TMEM64: variants seen among roughly 807,000 people sequenced by gnomAD.
TMEM64 encodes transmembrane protein 64.
In TMEM64, 19 loss-of-function variants were observed where a neutral mutation model predicts 24.5. That is an observed-to-expected ratio of 0.78 (90% CI 0.54 to 1.14). The LOEUF (loss-of-function observed/expected upper bound fraction) is 1.14, where lower values mean the gene tolerates loss of function less well. Ranked by LOEUF, TMEM64 falls within the 50% of genes most tolerant of loss-of-function variation. The pLI is 0.00. For missense variants in TMEM64, 487 were observed against 493.0 expected (o/e 0.99, Z 0.12); for synonymous variants, 262 against 224.7 (o/e 1.17, Z -1.49).
At chr8:90,628,554 GTGTC>G (rs1259769991) in intron 2 of TMEM64, among the ~76,000 whole-genome samples, 6 of 152,196 alleles carry the variant, frequency 3.9e-5, no homozygotes, top group African/African-American at 1.4e-4. Flanking sequence ...AAATATCAAT[GTGTC>G]TGGTTACATG....
rs1029179005 is a variant in TMEM64 at position 90,629,358 on chromosome 8, T to C, written c.951+2194A>G. Among the ~76,000 whole-genome samples, 13 of 152,290 alleles carry C rather than the reference T, an allele frequency of 8.5e-5. No homozygotes were observed. The South Asian group carries it at 1.0e-3, about 12-fold the overall frequency. On this transcript the variant is annotated intron_variant, in intron 2 of 2. Coordinates refer to ENST00000458549, the MANE Select transcript of TMEM64 (RefSeq NM_001008495.4). Reference sequence around the variant, plus strand: ...AAAGCATCATGAACTTCATTGACTATAGTTGAGTAATTTACTAAGATGCAT... The same window carrying C: ...AAAGCATCATGAACTTCATTGACTACAGTTGAGTAATTTACTAAGATGCAT...
Position 90,625,408 on chromosome 8 carries a change from A to G in TMEM64, c.*263T>C, listed in dbSNP as rs762284742. On this transcript the variant is annotated 3_prime_UTR_variant, in exon 3 of 3. Transcript: ENST00000458549. Reference sequence around the variant, plus strand: ...TCTCTGTTCGTAAATACACAGAAATAAAACAATTAAAAAACACTAAAGTGC... The same window carrying G: ...TCTCTGTTCGTAAATACACAGAAATGAAACAATTAAAAAACACTAAAGTGC... 9.7e-6 allele frequency: 3 copies of G among 310,720 alleles called. No individual in the cohort carries two copies. The highest frequency in any genetic ancestry group is 1.8e-5 in the Non-Finnish European group (3 of 169,230). 19.2% of individuals were successfully genotyped at this position (310,720 alleles called of 1,614,324 possible).
In TMEM64 at chr8:90,623,322, C is replaced by T. The variant is rs892836407; in HGVS notation, c.*2349G>A. The T allele has an allele frequency of 6.6e-6, 1 of 152,062 alleles. No individual in the cohort carries two copies. Among genetic ancestry groups the T allele is most frequent in the African/African-American group, 2.4e-5 (1 of 41,404 alleles). 9.4% of individuals were successfully genotyped at this position (152,062 alleles called of 1,614,324 possible). On this transcript the variant is annotated 3_prime_UTR_variant, in exon 3 of 3. Coordinates refer to ENST00000458549, the MANE Select transcript of TMEM64 (RefSeq NM_001008495.4). ...AAAAGTATCCTGTAGATATGTGTTGCTGCCATAAATCTGGGATGCAGGATT... is the reference window on the plus strand; with the variant it reads ...AAAAGTATCCTGTAGATATGTGTTGTTGCCATAAATCTGGGATGCAGGATT...
In TMEM64 at chr8:90,623,620, ATATT is replaced by A. The variant is rs1283455778; in HGVS notation, c.*2047_*2050del. 1.3e-5 allele frequency: 2 copies of A among 152,584 alleles called. No individual in the cohort carries two copies. The highest frequency in any genetic ancestry group is 4.8e-5 in the African/African-American group (2 of 41,460). 9.5% of individuals were successfully genotyped at this position (152,584 alleles called of 1,614,324 possible). ...AGAAAATTATTTCTTTTACCTTTAC[ATATT>A]TATTGTTAAGTACCAAGCAAAGTGT... On this transcript the variant is annotated 3_prime_UTR_variant, in exon 3 of 3. Coordinates refer to ENST00000458549, the MANE Select transcript of TMEM64 (RefSeq NM_001008495.4).
In TMEM64 at chr8:90,624,352, A is replaced by G. The variant is rs1415383271; in HGVS notation, c.*1319T>C. 6.6e-6 allele frequency: 1 copy of G among 152,086 alleles called. No homozygotes were observed. Among genetic ancestry groups the G allele is most frequent in the Non-Finnish European group, 1.5e-5 (1 of 67,940 alleles). 9.4% of individuals were successfully genotyped at this position (152,086 alleles called of 1,614,324 possible). ...GTTGGAATCATCATAGCAAAAAAAGAGATACCTACCAGAAAATTTGCATTA... is the reference window on the plus strand; with the variant it reads ...GTTGGAATCATCATAGCAAAAAAAGGGATACCTACCAGAAAATTTGCATTA... On this transcript the variant is annotated 3_prime_UTR_variant, in exon 3 of 3. Transcript: ENST00000458549.
chr8:90,631,510 AAC>A (rs1453732274), intron 2 of TMEM64, 40 bp downstream of exon 2: 11 of 1,447,844 alleles, frequency 7.6e-6, no homozygotes, highest in African/African-American at 1.4e-5. Context: ...TACAAAAAGA[AAC>A]AGAGAGAAAA....
intron 2 of TMEM64, among the ~76,000 whole-genome samples, chr8:90,627,925 T>C (rs996056349): frequency 1.3e-5 from 2 of 152,160 alleles, no homozygotes; most frequent in African/African-American, 4.8e-5. Flanking sequence ...GTACATCTCA[T>C]TTAGACAAGC....
chr8:90,641,099 T>C (rs761497695), intron 1 of TMEM64, among the ~76,000 whole-genome samples: 2 of 152,214 alleles, frequency 1.3e-5, no homozygotes, highest in Non-Finnish European at 2.9e-5. Context: ...CTTCCTACAG[T>C]TGCAGGGGCT....
At chr8:90,628,037 G>A (rs558634185) in intron 2 of TMEM64, among the ~76,000 whole-genome samples, 1 of 152,210 alleles carries the variant, frequency 6.6e-6, no homozygotes, top group Non-Finnish European at 1.5e-5. Context: ...TTTCCCAGCT[G>A]CACTTCTGAT....
chr8:90,633,986 T>C (rs1809479246), intron 1 of TMEM64, among the ~76,000 whole-genome samples: 1 of 152,122 alleles, frequency 6.6e-6, no homozygotes, highest in East Asian at 1.9e-4. Flanking sequence ...GTTTTTAAAT[T>C]TTTATATAAT....
Position 90,631,502 on chromosome 8 carries a change from C to T in TMEM64, c.951+50G>A, listed in dbSNP as rs370766626. 5 of 1,419,360 alleles carry T rather than the reference C, an allele frequency of 3.5e-6. No homozygotes were observed. In the East Asian group the frequency reaches 9.3e-5, roughly 26 times the overall value. 87.9% of individuals were successfully genotyped at this position (1,419,360 alleles called of 1,614,324 possible). Reference sequence around the variant, plus strand: ...AATCTGTCAAATCAGCAATGCCATACAAAAAGAAACAGAGAGAAAAAAAGA... The same window carrying T: ...AATCTGTCAAATCAGCAATGCCATATAAAAAGAAACAGAGAGAAAAAAAGA... On this transcript the variant is annotated intron_variant, in intron 2 of 2. Transcript: ENST00000458549.
At chr8:90,639,524 T>C (rs947272955) in intron 1 of TMEM64, among the ~76,000 whole-genome samples, 2 of 152,208 alleles carry the variant, frequency 1.3e-5, no homozygotes, top group African/African-American at 4.8e-5. Context: ...TACTAAAACA[T>C]GTATCATATG....
chr8:90,628,645 T>C (rs906011988), intron 2 of TMEM64, among the ~76,000 whole-genome samples: 3 of 152,042 alleles, frequency 2.0e-5, no homozygotes, highest in African/African-American at 2.4e-5. Context: ...AGTAGATACA[T>C]AGAAAAATAA....
Position 90,625,699 on chromosome 8 carries a change from A to G in TMEM64, c.1115T>C (p.Phe372Ser). The G allele has an allele frequency of 1.2e-6, 2 of 1,613,710 alleles. No homozygotes were observed. Among genetic ancestry groups the G allele is most frequent in the Middle Eastern group, 1.7e-4 (1 of 6,058 alleles). ...SSFYNKRTLT[F>S]SGGGINVV The stretch of plus-strand genomic sequence containing the variant: ...TACAACATTGATTCCACCTCCAGAA[A>G]ATGTTAGGGTCCTCTTGTTGTAGAA... The change falls in exon 3 of 3, where the codon TTT (phenylalanine) becomes TCT (serine). Residue 372 changes from phenylalanine to serine, a missense_variant. Transcript: ENST00000458549.
At chr8:90,638,005 C>A (rs1809547963) in intron 1 of TMEM64, among the ~76,000 whole-genome samples, 1 of 152,128 alleles carries the variant, frequency 6.6e-6, no homozygotes, top group African/African-American at 2.4e-5. Context: ...TCTACTACAT[C>A]TTGTCAACCG....
At chr8:90,625,927 T>C in intron 2 of TMEM64, 65 bp from the exon 3 acceptor site, 6 of 1,277,848 alleles carry the variant, frequency 4.7e-6, no homozygotes, top group Non-Finnish European at 6.4e-6. Flanking sequence ...ATAAATCCAA[T>C]AAATATTTGG....
At chr8:90,636,447 G>A (rs113735325) in intron 1 of TMEM64, among the ~76,000 whole-genome samples, 82 of 152,196 alleles carry the variant, frequency 5.4e-4, no homozygotes, top group African/African-American at 1.9e-3. Flanking sequence ...GTAGAGGCCG[G>A]GTTTCACCAT....
intron 1 of TMEM64, among the ~76,000 whole-genome samples, chr8:90,643,773 A>G (rs1809643322): frequency 1.3e-5 from 2 of 152,254 alleles, no homozygotes; most frequent in South Asian, 4.1e-4. Context: ...TGAAAAAGAA[A>G]TTTAAGACTA....
rs139819870 is a variant in TMEM64, at chr8:90,635,403, A to ATTTT, written c.796-3700_796-3697dup. On this transcript the variant is annotated intron_variant, in intron 1 of 2. Transcript: ENST00000458549. ...ATTTTATTTTATTTTATTTTATTTT[A>ATTTT]TTTTTTTTGAGACGGACTCTTCGCT... Among the ~76,000 whole-genome samples, 1,152 of 147,790 alleles carry ATTTT rather than the reference A, an allele frequency of 7.8e-3. 16 individuals are homozygous for ATTTT. The highest frequency in any genetic ancestry group is 0.027 in the African/African-American group (1,068 of 38,906).
Sources: allele counts gnomAD v4.1 joint callset (sites outside exome capture counted in the v4.1 genomes callset), GRCh38; gene constraint gnomAD v4.1.1; transcripts MANE v1.5; gene names NCBI Gene and HGNC (gene_info 2026-07-23, HGNC 2026-07-21).